Variants in FERMT2 observed in about 807,000 individuals in gnomAD.
The protein encoded by FERMT2 is FERM domain containing kindlin 2.
FERMT2 carries 15 observed loss-of-function variants against 82.7 expected under a neutral mutation model. That is an observed-to-expected ratio of 0.18 (90% CI 0.12 to 0.28). The LOEUF is 0.28. Among genes scored for constraint, FERMT2 ranks in the 10% least tolerant of loss-of-function variants. FERMT2 has a pLI of 1.00. For synonymous variants in FERMT2, 274 were observed against 271.5 expected (o/e 1.01, Z -0.09); for missense variants, 645 against 809.4 (o/e 0.80, Z 2.46).
intron 10 of FERMT2, among the ~76,000 whole-genome samples, chr14:52,868,275 G>T (rs899066158): frequency 2.0e-5 from 3 of 150,894 alleles, no homozygotes; most frequent in Non-Finnish European, 4.4e-5. Flanking sequence ...TGAACTCCTG[G>T]GCTCAAGTAA....
At chr14:52,921,452 T>A (rs1260423958) in intron 2 of FERMT2, among the ~76,000 whole-genome samples, 2 of 152,210 alleles carry the variant, frequency 1.3e-5, no homozygotes, top group Non-Finnish European at 2.9e-5. Flanking sequence ...ACAGTGATAC[T>A]TAATTGTATA....
chr14:52,884,550 G>C (rs1374777226), intron 4 of FERMT2, among the ~76,000 whole-genome samples: 1 of 152,028 alleles, frequency 6.6e-6, no homozygotes, highest in East Asian at 1.9e-4. Context: ...TTTGCAGTGA[G>C]AGACTGCACC....
chr14:52,921,642 A>G (rs1888960995), intron 2 of FERMT2, among the ~76,000 whole-genome samples: 1 of 152,186 alleles, frequency 6.6e-6, no homozygotes, highest in Non-Finnish European at 1.5e-5. Flanking sequence ...GCTGGTAATC[A>G]AGTAGAGTTA....
At chr14:52,936,510 T>C (rs1378867597) in intron 2 of FERMT2, among the ~76,000 whole-genome samples, 1 of 152,164 alleles carries the variant, frequency 6.6e-6, no homozygotes, top group African/African-American at 2.4e-5. Flanking sequence ...AGAAAGCACT[T>C]TAGCATTATT....
intron 3 of FERMT2, among the ~76,000 whole-genome samples, chr14:52,918,098 T>A (rs1042982635): frequency 6.6e-6 from 1 of 152,216 alleles, no homozygotes; most frequent in African/African-American, 2.4e-5. Flanking sequence ...ACCTAACTGA[T>A]CATTAACAGG....
chr14:52,941,072 A>G (rs1456233591), intron 2 of FERMT2, among the ~76,000 whole-genome samples: 2 of 152,228 alleles, frequency 1.3e-5, no homozygotes, highest in African/African-American at 2.4e-5. Flanking sequence ...GAGTAACCCA[A>G]ATGCCCTTCA....
intron 1 of FERMT2, 152 bp from the exon 2 acceptor site, chr14:52,950,729 G>T: frequency 1.5e-6 from 1 of 687,704 alleles, no homozygotes; most frequent in Non-Finnish European, 2.4e-6. Context: ...GGCCGGGGCT[G>T]CGGGAGGACC....
chr14:52,919,040 T>C lies in FERMT2; in HGVS notation c.391+83A>G. ...TACAGATAGTTCAGCCCATGCCCCA[T>C]CCCTTGGGATAAGCTATGTCAGTCA... On this transcript the variant is annotated intron_variant, in intron 3 of 14. Coordinates refer to ENST00000341590, the MANE Select transcript of FERMT2 (RefSeq NM_006832.3). 3.3e-6 allele frequency: 3 copies of C among 911,144 alleles called. No homozygotes were observed. The South Asian group carries it at 4.7e-5, about 14-fold the overall frequency. 56.4% of individuals were successfully genotyped at this position (911,144 alleles called of 1,614,324 possible).
chr14:52,945,716 C>T (rs532869099), intron 2 of FERMT2, among the ~76,000 whole-genome samples: 4 of 152,284 alleles, frequency 2.6e-5, no homozygotes, highest in Admixed American at 2.0e-4. Context: ...TTAGAGATCA[C>T]CTATTTTTTC....
intron 2 of FERMT2, among the ~76,000 whole-genome samples, chr14:52,945,091 T>C (rs1162592354): frequency 6.6e-6 from 1 of 151,972 alleles, no homozygotes; most frequent in African/African-American, 2.4e-5. Flanking sequence ...TGTTTTTCTG[T>C]AGAAACGGGA....
At chr14:52,885,804 A>G (rs1886567574) in intron 4 of FERMT2, among the ~76,000 whole-genome samples, 1 of 152,140 alleles carries the variant, frequency 6.6e-6, no homozygotes, top group South Asian at 2.1e-4. Flanking sequence ...TTTCACCAAA[A>G]TACCTATCTT....
intron 2 of FERMT2, among the ~76,000 whole-genome samples, chr14:52,926,129 G>C (rs899669387): frequency 2.0e-4 from 10 of 49,170 alleles, no homozygotes; most frequent in African/African-American, 6.5e-4. Flanking sequence ...GTAGAAGCAT[G>C]AACACATTAT....
intron 3 of FERMT2, among the ~76,000 whole-genome samples, chr14:52,902,053 G>C (rs1038943190): frequency 2.0e-5 from 3 of 151,502 alleles, no homozygotes; most frequent in Non-Finnish European, 4.4e-5. Context: ...TGAAGAGGCT[G>C]AGAAAAAGAC....
intron 6 of FERMT2, among the ~76,000 whole-genome samples, chr14:52,879,249 T>C (rs1186121640): frequency 2.0e-5 from 3 of 152,230 alleles, no homozygotes; most frequent in Non-Finnish European, 4.4e-5. Context: ...TATATGTTAT[T>C]CAATTATCCA....
chr14:52,870,317 T>G (rs11845320), intron 10 of FERMT2, among the ~76,000 whole-genome samples: 17,555 of 151,386 alleles, frequency 0.12, 1,099 homozygotes, highest in East Asian at 0.2. Flanking sequence ...TGGCGTGATC[T>G]CAGCTCACCG....
At chr14:52,858,633 C>A (rs1884709151) in intron 14 of FERMT2, 83 bp from the exon 15 acceptor site, 1 of 1,261,244 alleles carries the variant, frequency 7.9e-7, no homozygotes, top group South Asian at 1.4e-5. Flanking sequence ...TACTTAAAGT[C>A]TGTCATATCA....
At chr14:52,902,326 G>A (rs561235077) in intron 3 of FERMT2, among the ~76,000 whole-genome samples, 1 of 152,002 alleles carries the variant, frequency 6.6e-6, no homozygotes, top group African/African-American at 2.4e-5. Flanking sequence ...CTAGGAGGCG[G>A]AGGTTGCAGT....
intron 3 of FERMT2, among the ~76,000 whole-genome samples, chr14:52,895,982 C>T (rs762388646): frequency 6.6e-6 from 1 of 152,100 alleles, no homozygotes; most frequent in Non-Finnish European, 1.5e-5. Flanking sequence ...TGTCATGATG[C>T]CCAGGCTGGT....
At position 52,881,112 on chromosome 14, in the gene FERMT2, A is replaced by G; in HGVS notation, c.779T>C (p.Met260Thr). 1.9e-6 allele frequency: 3 copies of G among 1,613,652 alleles called. No homozygotes were observed. The highest frequency in any genetic ancestry group is 2.5e-6 in the Non-Finnish European group (3 of 1,179,786). ...QGWLDSSRSL[M>T]EQDVKENEAL... ...CTCATTTTCCTTCACATCTTGTTCCATGAGAGATCTTGAGGAATCAAGCCA... is the reference window on the plus strand; with the variant it reads ...CTCATTTTCCTTCACATCTTGTTCCGTGAGAGATCTTGAGGAATCAAGCCA... The change falls in exon 6 of 15, where the codon ATG (methionine) becomes ACG (threonine). Residue 260 changes from methionine (M) to threonine (T), a missense_variant. By Grantham distance (81) the Met-to-Thr change is moderately conservative. Coordinates refer to ENST00000341590, the MANE Select transcript of FERMT2 (RefSeq NM_006832.3).
Sources: allele counts gnomAD v4.1 joint callset (sites outside exome capture counted in the v4.1 genomes callset), GRCh38; gene constraint gnomAD v4.1.1; transcripts MANE v1.5; gene names NCBI Gene and HGNC (gene_info 2026-07-23, HGNC 2026-07-21).